Variants in RIPOR2 observed in about 807,000 individuals in gnomAD.
RIPOR2 encodes rho family-interacting cell polarization regulator 2.
A neutral mutation model predicts 114.5 loss-of-function variants in RIPOR2; 39 were observed. That is an observed-to-expected ratio of 0.34 (90% CI 0.26 to 0.44). RIPOR2 has a LOEUF of 0.44. RIPOR2 is among the 20% of genes least tolerant of loss of function. The pLI, the probability that RIPOR2 is intolerant of heterozygous loss-of-function variation, is 1.00. For missense variants in RIPOR2, 1,007 were observed against 1,255.1 expected (o/e 0.80, Z 2.99); for synonymous variants, 445 against 484.4 (o/e 0.92, Z 1.07).
At chr6:24,896,842 G>T (rs968519972) in intron 1 of RIPOR2, among the ~76,000 whole-genome samples, 2 of 152,192 alleles carry the variant, frequency 1.3e-5, no homozygotes, top group African/African-American at 4.8e-5. Flanking sequence ...GGCAGAGGTT[G>T]CAGTGAGCTG....
intron 5 of RIPOR2, among the ~76,000 whole-genome samples, chr6:24,870,056 T>C (rs111584173): frequency 6.6e-6 from 1 of 152,176 alleles, no homozygotes; most frequent in Admixed American, 6.5e-5. Flanking sequence ...GTATATAAAT[T>C]TTTTTAAAAA....
chr6:24,927,293 C>CAACTACAAT (rs1771006108), intron 1 of RIPOR2, among the ~76,000 whole-genome samples: 7 of 145,922 alleles, frequency 4.8e-5, no homozygotes, highest in Admixed American at 2.7e-4. Flanking sequence ...ACCACCACCA[C>CAACTACAAT]CACCACCACC....
At chr6:24,916,300 G>A (rs1035889989) in intron 1 of RIPOR2, among the ~76,000 whole-genome samples, 2 of 152,164 alleles carry the variant, frequency 1.3e-5, no homozygotes, top group Non-Finnish European at 2.9e-5. Flanking sequence ...GGTCATCTGT[G>A]CTGTACCTGA....
chr6:24,885,409 A>G (rs961327954), intron 1 of RIPOR2, among the ~76,000 whole-genome samples: 3 of 152,098 alleles, frequency 2.0e-5, no homozygotes, highest in Admixed American at 6.6e-5. Context: ...TTTTTAGTAA[A>G]GACGAGATGT....
intron 8 of RIPOR2, among the ~76,000 whole-genome samples, chr6:24,854,540 C>T (rs1027852261): frequency 8.5e-5 from 13 of 152,204 alleles, no homozygotes; most frequent in African/African-American, 2.9e-4. Flanking sequence ...TTACTTTAAT[C>T]AGTTGTTTCT....
intron 1 of RIPOR2, among the ~76,000 whole-genome samples, chr6:25,025,898 T>C (rs188289588): frequency 3.3e-5 from 5 of 152,350 alleles, no homozygotes; most frequent in East Asian, 1.9e-4. Context: ...ACTGGAAGAC[T>C]GTGATACATT....
chr6:24,925,500 G>A (rs1211716286), intron 1 of RIPOR2, among the ~76,000 whole-genome samples: 6 of 152,084 alleles, frequency 3.9e-5, no homozygotes, highest in Admixed American at 1.3e-4. Flanking sequence ...TCAAGAGATC[G>A]AGATCATCCT....
intron 1 of RIPOR2, among the ~76,000 whole-genome samples, chr6:24,918,196 T>A (rs1351325911): frequency 6.6e-6 from 1 of 151,310 alleles, no homozygotes; most frequent in Non-Finnish European, 1.5e-5. Flanking sequence ...CAGTATCCCC[T>A]GCATCCCCAT....
chr6:24,908,118 C>G (rs2114050978), intron 1 of RIPOR2, among the ~76,000 whole-genome samples: 1 of 152,258 alleles, frequency 6.6e-6, no homozygotes, highest in African/African-American at 2.4e-5. Flanking sequence ...GGTAAAGGAG[C>G]TGTTCACAAG....
intron 1 of RIPOR2, among the ~76,000 whole-genome samples, chr6:24,877,547 A>G (rs1765923861): frequency 6.6e-6 from 1 of 152,154 alleles, no homozygotes; most frequent in African/African-American, 2.4e-5. Context: ...GGTTAGACAA[A>G]ATGCAAGTGC....
In RIPOR2 at chr6:24,872,932, C is replaced by T. The variant is rs961499910; in HGVS notation, c.372G>A (p.Glu124=). The part of the protein sequence containing the change: ...LDEYLEVHQT[E]LDKLTAQLKD... Reference sequence around the variant, plus strand: ...TTAACTGAGCTGTCAACTTGTCCAGCTCCGTCTGGTGAACCTCCAGATATT... The same window carrying T: ...TTAACTGAGCTGTCAACTTGTCCAGTTCCGTCTGGTGAACCTCCAGATATT... Residue 124 remains glutamate (E), a synonymous_variant, in exon 4 of 22, where the codon GAG becomes GAA. Coordinates refer to ENST00000643898, the MANE Select transcript of RIPOR2 (RefSeq NM_001286445.3). 9 of 1,612,336 alleles carry T rather than the reference C, an allele frequency of 5.6e-6. No individual in the cohort carries two copies. The highest frequency in any genetic ancestry group is 1.6e-4 in the Middle Eastern group (1 of 6,080).
chr6:24,839,219 T>C lies in RIPOR2; in HGVS notation c.1911A>G (p.Glu637=). Residue 637 remains glutamate (E), a synonymous_variant, in exon 14 of 22, where the codon GAA becomes GAG. Transcript: ENST00000643898. ...SRSSSLSLTV[E]SALESFDFLN... is the part of the protein sequence containing the mutation. ...GGAAATCAAAGCTTTCTAAAGCACT[T>C]TCAACTGTGAGACTTAAACTGGAAG... is the stretch of plus-strand genomic sequence containing the variant. The C allele has an allele frequency of 6.4e-7, 1 of 1,551,854 alleles. No homozygotes were observed. The highest frequency in any genetic ancestry group is 1.2e-5 in the South Asian group (1 of 84,062).
chr6:24,891,068 A>G (rs865781907), intron 1 of RIPOR2, among the ~76,000 whole-genome samples: 4 of 152,352 alleles, frequency 2.6e-5, no homozygotes, highest in South Asian at 2.1e-4. Flanking sequence ...GAAGAAAACT[A>G]TAACAAACTG....
At chr6:24,895,747 T>C (rs1481561762) in intron 1 of RIPOR2, among the ~76,000 whole-genome samples, 1 of 152,104 alleles carries the variant, frequency 6.6e-6, no homozygotes, top group African/African-American at 2.4e-5. Flanking sequence ...TCCCAGCACT[T>C]TGGGAGGCCA....
At chr6:25,023,968 G>C (rs1309827321) in intron 1 of RIPOR2, 2 of 732,666 alleles carry the variant, frequency 2.7e-6, no homozygotes, top group Non-Finnish European at 5.1e-6. Flanking sequence ...CGGGTTCTTG[G>C]GAGTGACCGG....
At chr6:25,000,759 G>A (rs565237266) in intron 1 of RIPOR2, among the ~76,000 whole-genome samples, 22 of 152,114 alleles carry the variant, frequency 1.4e-4, no homozygotes, top group African/African-American at 4.3e-4. Flanking sequence ...CTGCTGCCCC[G>A]AAGTTCCCCA....
chr6:24,965,874 G>T (rs1402220338), intron 1 of RIPOR2, among the ~76,000 whole-genome samples: 2 of 152,066 alleles, frequency 1.3e-5, no homozygotes, highest in Admixed American at 6.5e-5. Context: ...ACTTTCAAAC[G>T]TACTCATCAC....
chr6:24,855,131 A>G (rs1763329768), intron 8 of RIPOR2, among the ~76,000 whole-genome samples: 1 of 152,054 alleles, frequency 6.6e-6, no homozygotes, highest in African/African-American at 2.4e-5. Context: ...AACCATACCA[A>G]ACTGTTAAAA....
intron 1 of RIPOR2, among the ~76,000 whole-genome samples, chr6:24,963,975 C>G (rs992024139): frequency 7.9e-5 from 12 of 152,054 alleles, no homozygotes; most frequent in Non-Finnish European, 1.5e-4. Flanking sequence ...TCTCGAATTC[C>G]TGGACTAAAG....
Sources: gnomAD v4.1 joint callset for allele counts (sites outside exome capture counted in the v4.1 genomes callset) on GRCh38, gnomAD v4.1.1 for gene constraint, MANE v1.5 for transcripts, NCBI Gene and HGNC (gene_info 2026-07-23, HGNC 2026-07-21) for gene names.